PIK3C3: variants seen among roughly 807,000 people sequenced by gnomAD.
PIK3C3 encodes PI3-kinase type 3.
In PIK3C3, 95 loss-of-function variants were observed where a neutral mutation model predicts 126.1. The ratio of observed to expected loss-of-function variants is 0.75; its 90% CI spans 0.64 to 0.89. The LOEUF is 0.89. PIK3C3 is among the 40% of genes least tolerant of loss of function. The probability of loss-of-function intolerance (pLI) is 0.00; values close to 1 mark genes in which losing one functional copy is unlikely to be tolerated. For missense variants in PIK3C3, 829 were observed against 1,063.2 expected (o/e 0.78, Z 3.06); for synonymous variants, 374 against 360.0 (o/e 1.04, Z -0.44).
intron 4 of PIK3C3, 126 bp from the exon 5 acceptor site, chr18:41,987,686 T>A (rs1248699706): frequency 1.9e-6 from 1 of 521,988 alleles, no homozygotes; most frequent in Non-Finnish European, 3.5e-6. Context: ...TCCTGCTAAT[T>A]GCGTATGGTT....
chr18:41,980,848 T>C (rs903290042), intron 4 of PIK3C3, among the ~76,000 whole-genome samples: 1 of 152,204 alleles, frequency 6.6e-6, no homozygotes, highest in Non-Finnish European at 1.5e-5. Context: ...AGTTGAAGAA[T>C]GCATTTGTTA....
chr18:41,967,399 A>G (rs1266717770), intron 3 of PIK3C3, among the ~76,000 whole-genome samples: 1 of 152,144 alleles, frequency 6.6e-6, no homozygotes, highest in Non-Finnish European at 1.5e-5. Context: ...CTTTAACCAT[A>G]GTTTTCTCAG....
chr18:42,078,478 G>A (rs916538751), intron 24 of PIK3C3, among the ~76,000 whole-genome samples: 2 of 151,588 alleles, frequency 1.3e-5, no homozygotes, highest in African/African-American at 4.9e-5. Flanking sequence ...TAGATCAAAG[G>A]CAGAGTAGAT....
At chr18:41,985,897 A>G (rs1253615609) in intron 4 of PIK3C3, among the ~76,000 whole-genome samples, 1 of 152,152 alleles carries the variant, frequency 6.6e-6, no homozygotes, top group Admixed American at 6.6e-5. Context: ...TTGTCTGGAT[A>G]GTTTTAGTAA....
chr18:41,972,656 G>A (rs930527066), intron 4 of PIK3C3, among the ~76,000 whole-genome samples: 1 of 152,008 alleles, frequency 6.6e-6, no homozygotes, highest in Admixed American at 6.6e-5. Flanking sequence ...ATTAACTTAT[G>A]TTCCCCAAAG....
At chr18:41,963,267 A>G (rs1309617204) in intron 3 of PIK3C3, among the ~76,000 whole-genome samples, 2 of 152,218 alleles carry the variant, frequency 1.3e-5, no homozygotes, top group Non-Finnish European at 2.9e-5. Context: ...TAGTTCATAT[A>G]GGAAAGACAG....
chr18:42,057,898 T>C lies in PIK3C3; in HGVS notation c.2279T>C (p.Ile760Thr). ...LLTKTGKLFH[I>T]DFGYILGRDP... is the part of the protein sequence containing the mutation. ...CAACATCCAGGCAAACTCTTCCACA[T>C]AGACTTTGGATATATTTTGGGTCGG... The change falls in exon 22 of 25, where the codon ATA (isoleucine) becomes ACA (threonine). Residue 760 changes from isoleucine to threonine, a missense_variant. By Grantham distance (89) the Ile-to-Thr change is moderately conservative. Around this residue, in one of 4 missense-constraint regions of PIK3C3, gnomAD observed 196 missense variants for 312.8 expected, o/e 0.63. Transcript: ENST00000262039. 6.2e-7 allele frequency: 1 copy of C among 1,613,622 alleles called. No individual in the cohort carries two copies. Among genetic ancestry groups the C allele is most frequent in the Non-Finnish European group, 8.5e-7 (1 of 1,179,758 alleles).
In PIK3C3 at chr18:41,984,802, C is replaced by T. The variant is rs1334250016; in HGVS notation, c.532-3010C>T. On this transcript the variant is annotated intron_variant, in intron 4 of 24. Coordinates refer to ENST00000262039, the MANE Select transcript of PIK3C3 (RefSeq NM_002647.4). ...CTAGCTAGTCTCTTAGGATGGCCCT[C>T]AATGAAATATGCCTTCTGATAGTCA... 2.6e-5 allele frequency: 4 copies of T among 152,154 alleles called. No individual in the cohort carries two copies. In the East Asian group the frequency reaches 7.7e-4, roughly 29 times the overall value. The allele number at this position is 152,154 out of a possible 1,614,324, so 9.4% of individuals were successfully genotyped here.
At chr18:41,964,085 G>A (rs1980234487) in intron 3 of PIK3C3, among the ~76,000 whole-genome samples, 1 of 151,934 alleles carries the variant, frequency 6.6e-6, no homozygotes, top group African/African-American at 2.4e-5. Context: ...TTCTTCTGTT[G>A]TGCTTTTATT....
intron 7 of PIK3C3, among the ~76,000 whole-genome samples, chr18:41,993,585 A>T (rs76254177): frequency 6.6e-6 from 1 of 152,214 alleles, no homozygotes; most frequent in Non-Finnish European, 1.5e-5. Context: ...AATTGCTGAA[A>T]GAGCTAGGCA....
At chr18:41,985,272 G>A (rs1187341525) in intron 4 of PIK3C3, among the ~76,000 whole-genome samples, 1 of 152,120 alleles carries the variant, frequency 6.6e-6, no homozygotes, top group Non-Finnish European at 1.5e-5. Flanking sequence ...TGTCGTTTTA[G>A]GCCACTAAGT....
intron 10 of PIK3C3, among the ~76,000 whole-genome samples, chr18:42,008,500 G>T (rs1194310737): frequency 6.6e-6 from 1 of 152,080 alleles, no homozygotes; most frequent in African/African-American, 2.4e-5. Context: ...TCTATGGAGA[G>T]TTATTCTTAA....
chr18:41,966,930 G>A (rs1242457363), intron 3 of PIK3C3, among the ~76,000 whole-genome samples: 2 of 152,194 alleles, frequency 1.3e-5, no homozygotes, highest in Admixed American at 6.5e-5. Context: ...TTTTGAGGGG[G>A]TGGAGTGCAA....
chr18:42,033,100 C>T (rs759446156), intron 15 of PIK3C3, among the ~76,000 whole-genome samples: 3 of 151,978 alleles, frequency 2.0e-5, no homozygotes, highest in Non-Finnish European at 4.4e-5. Context: ...GTGAGCAAGC[C>T]CTGCTCCTAA....
At chr18:42,000,344 G>T (rs1002921942) in intron 9 of PIK3C3, among the ~76,000 whole-genome samples, 1 of 152,144 alleles carries the variant, frequency 6.6e-6, no homozygotes, top group African/African-American at 2.4e-5. Context: ...GAGTCAGCAC[G>T]CTGGCCTAAC....
intron 2 of PIK3C3, among the ~76,000 whole-genome samples, chr18:41,961,002 A>C (rs958047401): frequency 2.0e-5 from 3 of 152,084 alleles, no homozygotes; most frequent in Non-Finnish European, 4.4e-5. Flanking sequence ...TCGGCCTCCC[A>C]AAGTAGGATC....
At chr18:42,008,306 G>T (rs1982645938) in intron 10 of PIK3C3, among the ~76,000 whole-genome samples, 1 of 152,114 alleles carries the variant, frequency 6.6e-6, no homozygotes, top group Non-Finnish European at 1.5e-5. Context: ...CATTTGAGTT[G>T]AAGGAAATGT....
chr18:42,076,197 C>CACATATATATATGCACAT (rs1555643472), intron 24 of PIK3C3, among the ~76,000 whole-genome samples: 9 of 119,322 alleles, frequency 7.5e-5, no homozygotes, highest in African/African-American at 1.1e-4. Context: ...TATATGCACA[C>CACATATATATATGCACAT]ATATATATAT....
rs1986379541 is a variant in PIK3C3 at position 42,085,442 on chromosome 18, T to C, written c.*4305T>C. 6.6e-6 allele frequency: 1 copy of C among 152,172 alleles called. No homozygotes were observed. Among genetic ancestry groups the C allele is most frequent in the Non-Finnish European group, 1.5e-5 (1 of 68,016 alleles). The allele number at this position is 152,172 out of a possible 1,614,324, so 9.4% of individuals were successfully genotyped here. On this transcript the variant is annotated 3_prime_UTR_variant, in exon 25 of 25. Coordinates refer to ENST00000262039, the MANE Select transcript of PIK3C3 (RefSeq NM_002647.4). Reference sequence around the variant, plus strand: ...AATCATGAGCTAAGTCAATGGTTATTTTAAACCACTTAATTTTGAGACTAG... The same window carrying C: ...AATCATGAGCTAAGTCAATGGTTATCTTAAACCACTTAATTTTGAGACTAG...
Sources: allele counts gnomAD v4.1 joint callset (sites outside exome capture counted in the v4.1 genomes callset), GRCh38; gene constraint gnomAD v4.1.1; regional missense constraint gnomAD v4.1.1; transcripts MANE v1.5; gene names NCBI Gene and HGNC (gene_info 2026-07-23, HGNC 2026-07-21).